INTU: variants seen among roughly 807,000 people sequenced by gnomAD.
INTU encodes protein inturned.
INTU carries 68 observed loss-of-function variants against 100.5 expected under a neutral mutation model. The observed-to-expected ratio is 0.68, with a 90% CI of 0.56 to 0.83. The LOEUF (loss-of-function observed/expected upper bound fraction) is 0.83, where lower values mean the gene tolerates loss of function less well. Ranked by LOEUF, INTU falls within the 40% of genes least tolerant of loss-of-function variation. INTU has a pLI of 0.00. For missense variants in INTU, 1,071 were observed against 1,114.7 expected (o/e 0.96, Z 0.56); for synonymous variants, 357 against 395.7 (o/e 0.90, Z 1.16).
In INTU at chr4:127,705,778, C is replaced by T. The variant is rs748366133; in HGVS notation, c.1754C>T (p.Pro585Leu). ...TCAAGCACTGAAGTCTTTCCGGAACCTGAAGGAAGATATTTTTTGCTAGTT... is the reference window on the plus strand; with the variant it reads ...TCAAGCACTGAAGTCTTTCCGGAACTTGAAGGAAGATATTTTTTGCTAGTT... ...ADSSTEVFPE[P>L]EGRYFLLVVG... Residue 585 changes from proline to leucine, a missense_variant, in exon 11 of 16, where the codon CCT (proline) becomes CTT (leucine). Coordinates refer to ENST00000335251, the MANE Select transcript of INTU (RefSeq NM_015693.4). 6.2e-7 allele frequency: 1 copy of T among 1,614,038 alleles called. No homozygotes were observed. Among genetic ancestry groups the T allele is most frequent in the Non-Finnish European group, 8.5e-7 (1 of 1,179,938 alleles).
chr4:127,672,324 T>G (rs1328452663), intron 5 of INTU, among the ~76,000 whole-genome samples: 1 of 152,188 alleles, frequency 6.6e-6, no homozygotes, highest in Non-Finnish European at 1.5e-5. Flanking sequence ...CCTATAGATA[T>G]CCCTGTTCTG....
At chr4:127,696,254 G>T (rs1009632024) in intron 8 of INTU, among the ~76,000 whole-genome samples, 3 of 152,114 alleles carry the variant, frequency 2.0e-5, no homozygotes, top group African/African-American at 7.2e-5. Flanking sequence ...TCTTCTGAAA[G>T]AAATTAGAGA....
At chr4:127,693,914 A>T (rs899424194) in intron 8 of INTU, among the ~76,000 whole-genome samples, 1 of 152,154 alleles carries the variant, frequency 6.6e-6, no homozygotes, top group African/African-American at 2.4e-5. Context: ...CATTCCTGGT[A>T]TGAAACCCAC....
chr4:127,707,146 C>T (rs1298747556), intron 12 of INTU, among the ~76,000 whole-genome samples, 177 bp downstream of exon 12: 1 of 151,840 alleles, frequency 6.6e-6, no homozygotes, highest in African/African-American at 2.4e-5. Context: ...AATATCAGGC[C>T]AGGTGTGGCA....
chr4:127,713,413 T>C (rs766204331), intron 14 of INTU, among the ~76,000 whole-genome samples: 1 of 152,316 alleles, frequency 6.6e-6, no homozygotes, highest in Middle Eastern at 3.4e-3. Context: ...AAATGAGTCA[T>C]TGTTTTGCTA....
At chr4:127,691,964 A>G (rs112191822) in intron 8 of INTU, among the ~76,000 whole-genome samples, 2,150 of 55,496 alleles carry the variant, frequency 0.039, 210 homozygotes, top group Non-Finnish European at 0.051. Flanking sequence ...CATGGTATGT[A>G]TATATATATA....
intron 6 of INTU, among the ~76,000 whole-genome samples, chr4:127,678,510 A>G (rs1249817912): frequency 6.6e-6 from 1 of 152,176 alleles, no homozygotes; most frequent in East Asian, 1.9e-4. Flanking sequence ...TAAGCTTCAT[A>G]AGTGAAGGAG....
At chr4:127,679,318 C>T (rs1291188375) in intron 6 of INTU, among the ~76,000 whole-genome samples, 1 of 152,072 alleles carries the variant, frequency 6.6e-6, no homozygotes, top group African/African-American at 2.4e-5. Context: ...CAGCACCACA[C>T]CACACCTATT....
chr4:127,697,040 A>G (rs1259850488), intron 8 of INTU, among the ~76,000 whole-genome samples: 3 of 152,218 alleles, frequency 2.0e-5, no homozygotes, highest in Non-Finnish European at 4.4e-5. Context: ...GCAGTTTAAT[A>G]GTCAAGATTC....
chr4:127,713,767 G>T (rs1187803313), intron 14 of INTU, among the ~76,000 whole-genome samples, 169 bp from the exon 15 acceptor site: 1 of 152,118 alleles, frequency 6.6e-6, no homozygotes, highest in Non-Finnish European at 1.5e-5. Flanking sequence ...TCTCCTTTAG[G>T]ATATGGTATT....
rs1731329940 is a variant in INTU at position 127,720,426 on chromosome 4, C to T, written c.*3990C>T. 1.3e-5 allele frequency: 2 copies of T among 152,176 alleles called. No individual in the cohort carries two copies. Among genetic ancestry groups the T allele is most frequent in the East Asian group, 1.9e-4 (1 of 5,172 alleles). 9.4% of individuals were successfully genotyped at this position (152,176 alleles called of 1,614,324 possible). On this transcript the variant is annotated 3_prime_UTR_variant, in exon 16 of 16. Coordinates refer to ENST00000335251, the MANE Select transcript of INTU (RefSeq NM_015693.4). The stretch of plus-strand genomic sequence containing the variant: ...TGTGTGATCAATTTTAGAGTAAGTA[C>T]CATGTGGCACTGAGAAGAATATATA...
chr4:127,704,133 A>T, intron 9 of INTU, 95 bp from the exon 10 acceptor site: 2 of 1,000,378 alleles, frequency 2.0e-6, no homozygotes, highest in Non-Finnish European at 3.0e-6. Context: ...TTAGTTACTA[A>T]AGAATATAAT....
At position 127,716,625 on chromosome 4, in the gene INTU, C is replaced by T. The variant is rs993348774; in HGVS notation, c.*189C>T. 3 of 346,598 alleles carry T rather than the reference C, an allele frequency of 8.7e-6. No individual in the cohort carries two copies. The highest frequency in any genetic ancestry group is 6.4e-5 in the African/African-American group (3 of 47,162). 21.5% of individuals were successfully genotyped at this position (346,598 alleles called of 1,614,324 possible). A position where few individuals can be genotyped will look rare whatever the true frequency, so the allele number is the denominator to read the frequency against. On this transcript the variant is annotated 3_prime_UTR_variant, in exon 16 of 16. Transcript: ENST00000335251. ...TAAATCTTAATGTAATATTGTAAGACTTTTGAGAATATACTTGATTAAAAT... is the reference window on the plus strand; with the variant it reads ...TAAATCTTAATGTAATATTGTAAGATTTTTGAGAATATACTTGATTAAAAT...
chr4:127,687,633 A>G (rs768925277), intron 7 of INTU, 45 bp from the exon 8 acceptor site: 182 of 1,508,864 alleles, frequency 1.2e-4, no homozygotes, highest in Non-Finnish European at 4.1e-5. Flanking sequence ...AAAAATGACC[A>G]CCATTTCCAT....
intron 4 of INTU, among the ~76,000 whole-genome samples, chr4:127,667,023 T>C (rs778421993): frequency 2.0e-5 from 3 of 152,164 alleles, no homozygotes; most frequent in Non-Finnish European, 2.9e-5. Flanking sequence ...AGTTAATAAT[T>C]CTAATTTCTT....
rs1312074323 is a variant in INTU at position 127,723,366 on chromosome 4, A to C, written c.*6930A>C. On this transcript the variant is annotated 3_prime_UTR_variant, in exon 16 of 16. Transcript: ENST00000335251. ...AGAGCAGAGCTGCCTCTCTTTGACC[A>C]TCTGGGCTCTCTGTTCTACTTTTTT... The C allele has an allele frequency of 2.2e-5, 3 of 136,798 alleles. No homozygotes were observed. Among genetic ancestry groups the C allele is most frequent in the Admixed American group, 7.5e-5 (1 of 13,290 alleles). The allele number at this position is 136,798 out of a possible 1,614,324, so 8.5% of individuals were successfully genotyped here.
intron 2 of INTU, among the ~76,000 whole-genome samples, chr4:127,655,337 TC>T (rs1728136666): frequency 6.6e-6 from 1 of 152,098 alleles, no homozygotes; most frequent in Non-Finnish European, 1.5e-5. Flanking sequence ...TTCTGTTTTT[TC>T]CCCATCTTTG....
chr4:127,709,203 C>T (rs1731002033), intron 13 of INTU, among the ~76,000 whole-genome samples: 1 of 152,148 alleles, frequency 6.6e-6, no homozygotes, highest in African/African-American at 2.4e-5. Context: ...AGGCTTGGCC[C>T]CTTGCCTAAA....
chr4:127,637,386 T>TTCTTG (rs1727119267), intron 1 of INTU, among the ~76,000 whole-genome samples: 1 of 152,354 alleles, frequency 6.6e-6, no homozygotes, highest in South Asian at 2.1e-4. Flanking sequence ...TCCCAAGTCT[T>TTCTTG]TCTTGTCTCA....
Sources: allele counts gnomAD v4.1 joint callset (sites outside exome capture counted in the v4.1 genomes callset), GRCh38; gene constraint gnomAD v4.1.1; transcripts MANE v1.5; gene names NCBI Gene and HGNC (gene_info 2026-07-23, HGNC 2026-07-21).